Variants in MKS1 observed in about 807,000 individuals in gnomAD.
MKS1 encodes the protein MKS transition zone complex subunit 1.
A neutral mutation model predicts 83.7 loss-of-function variants in MKS1; 70 were observed. That is an observed-to-expected ratio of 0.84 (90% CI 0.69 to 1.02). MKS1 has a LOEUF of 1.02. Among genes scored for constraint, MKS1 ranks in the 50% least tolerant of loss-of-function variants. The pLI is 0.00. For missense variants in MKS1, 681 were observed against 726.9 expected, an observed-to-expected ratio of 0.94 and a Z score of 0.73; for synonymous variants, 251 against 273.4, an observed-to-expected ratio of 0.92 and a Z score of 0.81.
At chr17:58,210,469 A>G (rs1426361732) in intron 11 of MKS1, among the ~76,000 whole-genome samples, 190 bp downstream of exon 11, 35 of 152,152 alleles carry the variant, frequency 2.3e-4, no homozygotes, top group Non-Finnish European at 5.9e-5. Flanking sequence ...GGGCTCTGGA[A>G]AATGCTTCAG....
At chr17:58,216,866 T>A in intron 2 of MKS1, 130 bp from the exon 3 acceptor site, 1 of 884,060 alleles carries the variant, frequency 1.1e-6, no homozygotes, top group Non-Finnish European at 1.8e-6. Context: ...AGCAATTTAG[T>A]AAGCACTCAA....
chr17:58,207,327 G>T, intron 14 of MKS1, 109 bp from the exon 15 acceptor site: 1 of 1,466,634 alleles, frequency 6.8e-7, no homozygotes, highest in South Asian at 1.2e-5. Context: ...ACCTGGTCTG[G>T]TGATGACCTG....
chr17:58,210,913 G>A (rs769809650), intron 10 of MKS1, 67 bp downstream of exon 10: 2 of 1,553,332 alleles, frequency 1.3e-6, no homozygotes, highest in Non-Finnish European at 1.8e-6. Flanking sequence ...GAGTGGAGGA[G>A]ACTATTCACA....
At chr17:58,210,874 C>A in intron 10 of MKS1, 106 bp downstream of exon 10, 2 of 1,486,448 alleles carry the variant, frequency 1.3e-6, no homozygotes, top group Non-Finnish European at 1.9e-6. Flanking sequence ...CACTGAGTTT[C>A]CCAAGTACAG....
intron 12 of MKS1, 160 bp from the exon 13 acceptor site, chr17:58,208,334 G>A (rs1968658330): frequency 3.2e-6 from 3 of 938,100 alleles, no homozygotes; most frequent in Admixed American, 4.0e-5. Context: ...ACAAGCTGCT[G>A]CCATGCTCAA....
chr17:58,207,264 G>A (rs1161113351), intron 14 of MKS1, 46 bp from the exon 15 acceptor site: 1 of 1,611,680 alleles, frequency 6.2e-7, no homozygotes, highest in Admixed American at 1.7e-5. Context: ...GAAAGGGCAT[G>A]TGGCCCCTCA....
chr17:58,215,329 A>G (rs1252915012), intron 4 of MKS1, among the ~76,000 whole-genome samples: 1 of 152,176 alleles, frequency 6.6e-6, no homozygotes, highest in East Asian at 1.9e-4. Context: ...GTGCTATCAT[A>G]GCTCACTGCA....
chr17:58,209,251 G>A lies in MKS1; in HGVS notation c.1025-668C>T, dbSNP rs955052319. On this transcript the variant is annotated intron_variant, in intron 11 of 17. Coordinates refer to ENST00000393119, the MANE Select transcript of MKS1 (RefSeq NM_017777.4). This position sits in a 1 kb window ranked among gnomAD's most constrained non-coding sequence, Gnocchi z 4.1. ...GCGCTCCTCACTTCCCAGACGGGGC[G>A]GACAGTTTCTTTATTCATTTATTCA... Among the ~76,000 whole-genome samples the A allele has an allele frequency of 5.3e-5, 8 of 151,934 alleles. No homozygotes were observed. The highest frequency in any genetic ancestry group is 1.3e-4 in the Admixed American group (2 of 15,264).
At position 58,209,950 on chromosome 17, in the gene MKS1, A is replaced by G. The variant is rs145110019; in HGVS notation, c.1024+709T>C. ...GCTGGAGAGAACAAATAGGTTCACAACAGCTTTTGAAGACAGAACGGACAG... is the reference window on the plus strand; with the variant it reads ...GCTGGAGAGAACAAATAGGTTCACAGCAGCTTTTGAAGACAGAACGGACAG... On this transcript the variant is annotated intron_variant, in intron 11 of 17. Transcript: ENST00000393119. The surrounding 1 kb of genome is among the most constrained non-coding windows in gnomAD (Gnocchi z 4.1). Among the ~76,000 whole-genome samples the G allele has an allele frequency of 4.6e-5, 7 of 152,318 alleles. No homozygotes were observed. The highest frequency in any genetic ancestry group is 1.7e-4 in the African/African-American group (7 of 41,564).
Position 58,207,940 on chromosome 17 carries a change from C to T in MKS1, c.1227G>A (p.Arg409=), listed in dbSNP as rs755065589. ...CAGCCCCATAGCCTTCCACACGGTACCTCTGCCAGAAGTCCAGCGAGAGGA... is the reference window on the plus strand; with the variant it reads ...CAGCCCCATAGCCTTCCACACGGTATCTCTGCCAGAAGTCCAGCGAGAGGA... ...CEVLSLDFWQ[R]YRVEGYGAVV... The change falls in exon 14 of 18, where the codon AGG becomes AGA. Residue 409 remains arginine, a synonymous_variant. Coordinates refer to ENST00000393119, the MANE Select transcript of MKS1 (RefSeq NM_017777.4). 4.3e-6 allele frequency: 7 copies of T among 1,614,106 alleles called. No individual in the cohort carries two copies. In the South Asian group the frequency reaches 6.6e-5, roughly 15 times the overall value.
chr17:58,219,194 C>T lies in MKS1; in HGVS notation c.37G>A (p.Ala13Thr), dbSNP rs1290085395. The T allele has an allele frequency of 3.2e-6, 5 of 1,551,162 alleles. No homozygotes were observed. The highest frequency in any genetic ancestry group is 1.2e-5 in the South Asian group (1 of 84,062). Reference sequence around the variant, plus strand: ...ACGGGGTCCCGGGAGCGATACACTGCCTCCCCGGTGTCAGTGCTCCAGACG... The same window carrying T: ...ACGGGGTCCCGGGAGCGATACACTGTCTCCCCGGTGTCAGTGCTCCAGACG... The part of the protein sequence containing the change: ...ETVWSTDTGE[A>T]VYRSRDPVRN... The change falls in exon 1 of 18, where the codon GCA becomes ACA. Residue 13 changes from alanine (A) to threonine (T), a missense_variant. Coordinates refer to ENST00000393119, the MANE Select transcript of MKS1 (RefSeq NM_017777.4).
At position 58,210,669 on chromosome 17, in the gene MKS1, C is replaced by T. The variant is rs201998680; in HGVS notation, c.1014G>A (p.Leu338=). The T allele has an allele frequency of 7.5e-4, 1,209 of 1,613,692 alleles. 20 individuals are homozygous for T. The South Asian group carries it at 0.012, about 16-fold the overall frequency. ...DNLYVHFFVE[L]PTAHWSSPAF... ...AAGAATATTACTTACGAGCAGTTGGCAATTCTACAAAGAAGTGGACGTAGA... is the reference window on the plus strand; with the variant it reads ...AAGAATATTACTTACGAGCAGTTGGTAATTCTACAAAGAAGTGGACGTAGA... The change falls in exon 11 of 18, where the codon TTG becomes TTA. Residue 338 remains leucine, a synonymous_variant. Coordinates refer to ENST00000393119, the MANE Select transcript of MKS1 (RefSeq NM_017777.4).
intron 2 of MKS1, among the ~76,000 whole-genome samples, chr17:58,217,651 C>CT (rs1447339544): frequency 6.6e-6 from 1 of 151,898 alleles, no homozygotes; most frequent in Admixed American, 6.6e-5. Context: ...TCTACTAAAA[C>CT]TTTAAAAAAA....
chr17:58,214,847 A>T lies in MKS1; in HGVS notation c.418-9T>A. The stretch of plus-strand genomic sequence containing the variant: ...GTCATTCTCTGACAGTGCTGGGAAA[A>T]GCAAGCAGCCCTGTGTACGCCATCT... On this transcript the variant is annotated splice_polypyrimidine_tract_variant and intron_variant, in intron 4 of 17. Transcript: ENST00000393119. 1 of 1,598,048 alleles carries T rather than the reference A, an allele frequency of 6.3e-7. No individual in the cohort carries two copies. Among genetic ancestry groups the T allele is most frequent in the Non-Finnish European group, 8.5e-7 (1 of 1,177,754 alleles).
Position 58,209,239 on chromosome 17 carries a change from C to T in MKS1, c.1025-656G>A, listed in dbSNP as rs1968728912. ...GGCCGGGCAGAGGCGCTCCTCACTT[C>T]CCAGACGGGGCGGACAGTTTCTTTA... On this transcript the variant is annotated intron_variant, in intron 11 of 17. Coordinates refer to ENST00000393119, the MANE Select transcript of MKS1 (RefSeq NM_017777.4). This position sits in a 1 kb window ranked among gnomAD's most constrained non-coding sequence, Gnocchi z 4.1. 6.6e-6 allele frequency among the ~76,000 whole-genome samples: 1 copy of T among 152,176 alleles called. No homozygotes were observed. The highest frequency in any genetic ancestry group is 2.4e-5 in the African/African-American group (1 of 41,434).
intron 3 of MKS1, among the ~76,000 whole-genome samples, 159 bp from the exon 4 acceptor site, chr17:58,216,402 C>T (rs983854755): frequency 1.3e-5 from 2 of 152,202 alleles, no homozygotes; most frequent in African/African-American, 2.4e-5. Flanking sequence ...GAACCAAGAA[C>T]ATTAGAGCTA....
intron 12 of MKS1, 71 bp from the exon 13 acceptor site, chr17:58,208,245 G>T: frequency 7.2e-7 from 1 of 1,398,458 alleles, no homozygotes; most frequent in Non-Finnish European, 1.0e-6. Flanking sequence ...CCAATGACAA[G>T]GTTATCTTCA....
Position 58,214,351 on chromosome 17 carries a change from C to T in MKS1, c.552G>A (p.Trp184Ter). Residue 184 changes from tryptophan to a stop codon, truncating the protein, a stop_gained, in exon 6 of 18, where the codon TGG becomes TGA. Coordinates refer to ENST00000393119, the MANE Select transcript of MKS1 (RefSeq NM_017777.4). LOFTEE classifies it high-confidence loss of function. ...GGILKSRIVTWEPSEEFVRNN... is the reference protein window; with the variant it reads ...GGILKSRIVT ...TCCTGACAAACTCTTCTGAGGGCTC[C>T]CAGGTGACGATGCGTGACTTGAGGA... 3.7e-6 allele frequency: 6 copies of T among 1,613,770 alleles called. No individual in the cohort carries two copies. The highest frequency in any genetic ancestry group is 5.1e-6 in the Non-Finnish European group (6 of 1,180,030).
intron 10 of MKS1, 22 bp downstream of exon 10, chr17:58,210,958 T>A: frequency 7.4e-6 from 12 of 1,612,260 alleles, no homozygotes; most frequent in Non-Finnish European, 1.0e-5. Context: ...CATCAAGAGA[T>A]CTATGCTAGC....
Sources: allele counts gnomAD v4.1 joint callset (sites outside exome capture counted in the v4.1 genomes callset), GRCh38; gene constraint gnomAD v4.1.1; non-coding constraint Gnocchi (gnomAD v3.1); transcripts MANE v1.5; gene names NCBI Gene and HGNC (gene_info 2026-07-23, HGNC 2026-07-21).